FAT3: variants seen among roughly 807,000 people sequenced by gnomAD.
The protein encoded by FAT3 is FAT atypical cadherin 3.
A neutral mutation model predicts 310.2 loss-of-function variants in FAT3; 95 were observed. The ratio of observed to expected loss-of-function variants is 0.31; its 90% confidence interval spans 0.26 to 0.36. The LOEUF (loss-of-function observed/expected upper bound fraction) is 0.36. Ranked by LOEUF, FAT3 falls within the 10% of genes least tolerant of loss-of-function variation. The pLI is 1.00. For missense variants in FAT3, 5,408 were observed against 5,715.6 expected (o/e 0.95, Z 1.74); for synonymous variants, 2,314 against 2,192.9 (o/e 1.06, Z -1.54).
chr11:92,819,875 A>G (rs1360851800), intron 13 of FAT3, among the ~76,000 whole-genome samples: 1 of 152,196 alleles, frequency 6.6e-6, no homozygotes, highest in Admixed American at 6.5e-5. Context: ...AGAATGTGAC[A>G]CTAAAGCCAG....
intron 2 of FAT3, among the ~76,000 whole-genome samples, chr11:92,442,193 A>G (rs1951091393): frequency 1.5e-5 from 2 of 132,812 alleles, no homozygotes; most frequent in Non-Finnish European, 3.1e-5. Context: ...GGCTCACTAC[A>G]AGCTCTGCCT....
chr11:92,729,848 A>C (rs1339208882), intron 4 of FAT3, among the ~76,000 whole-genome samples: 2 of 152,192 alleles, frequency 1.3e-5, no homozygotes, highest in African/African-American at 4.8e-5. Context: ...AAACATTTTT[A>C]AACATTCATT....
At chr11:92,301,468 G>T (rs1403347272) in intron 1 of FAT3, among the ~76,000 whole-genome samples, 1 of 152,064 alleles carries the variant, frequency 6.6e-6, no homozygotes, top group Non-Finnish European at 1.5e-5. Context: ...GGAGGGGGAT[G>T]GAACAGAATG....
intron 3 of FAT3, among the ~76,000 whole-genome samples, chr11:92,661,174 C>A (rs1010826898): frequency 3.3e-5 from 5 of 152,084 alleles, no homozygotes; most frequent in Non-Finnish European, 7.4e-5. Context: ...CAGGGGTGAG[C>A]CAGCAGAAGA....
chr11:92,374,843 GTT>G (rs35238771), intron 2 of FAT3, among the ~76,000 whole-genome samples: 1 of 118,008 alleles, frequency 8.5e-6, no homozygotes, highest in African/African-American at 5.9e-5. Context: ...TCTTACAGCA[GTT>G]TTTTTTTTTA....
chr11:92,263,621 G>C, intron 1 of FAT3, among the ~76,000 whole-genome samples: 1 of 141,978 alleles, frequency 7.0e-6, no homozygotes, highest in East Asian at 2.2e-4. Context: ...GAATATAAGT[G>C]TGTGTGTGTG....
chr11:92,430,158 T>A (rs1344480705), intron 2 of FAT3, among the ~76,000 whole-genome samples: 1 of 152,232 alleles, frequency 6.6e-6, no homozygotes, highest in Non-Finnish European at 1.5e-5. Context: ...TTTCTTCACT[T>A]GATCAATTCA....
chr11:92,542,684 G>T (rs1004106667), intron 3 of FAT3, among the ~76,000 whole-genome samples: 1 of 151,910 alleles, frequency 6.6e-6, no homozygotes, highest in African/African-American at 2.4e-5. Flanking sequence ...AATAACAAAT[G>T]CTGGCATGGA....
chr11:92,658,267 A>T (rs1362665366), intron 3 of FAT3, among the ~76,000 whole-genome samples: 1 of 152,214 alleles, frequency 6.6e-6, no homozygotes, highest in African/African-American at 2.4e-5. Flanking sequence ...AATATATTTG[A>T]GAAGTGTCCA....
At chr11:92,605,453 A>G (rs776779957) in intron 3 of FAT3, among the ~76,000 whole-genome samples, 15 of 152,200 alleles carry the variant, frequency 9.9e-5, no homozygotes, top group Non-Finnish European at 2.1e-4. Context: ...CAAGACAGAC[A>G]TGACCTCTGC....
chr11:92,512,941 TGAAACCCC>T (rs1953352109), intron 2 of FAT3, among the ~76,000 whole-genome samples: 1 of 92,428 alleles, frequency 1.1e-5, no homozygotes, highest in Non-Finnish European at 2.1e-5. Context: ...GCTAACACGG[TGAAACCCC>T]GTCTCTACTA....
intron 13 of FAT3, among the ~76,000 whole-genome samples, chr11:92,810,621 A>C (rs1014351722): frequency 2.0e-5 from 3 of 152,202 alleles, no homozygotes; most frequent in African/African-American, 4.8e-5. Context: ...CATTTTTGTC[A>C]CATATAAACT....
At chr11:92,229,051 G>A (rs896115469) in intron 1 of FAT3, among the ~76,000 whole-genome samples, 1 of 152,138 alleles carries the variant, frequency 6.6e-6, no homozygotes, top group Admixed American at 6.5e-5. Context: ...TAAAAGAAAG[G>A]GATCTGACAG....
chr11:92,393,270 A>T (rs1030429936), intron 2 of FAT3, among the ~76,000 whole-genome samples: 2 of 152,022 alleles, frequency 1.3e-5, no homozygotes, highest in African/African-American at 2.4e-5. Context: ...ACACACACTC[A>T]TGTGTGTCTC....
chr11:92,453,699 A>G (rs1220866883), intron 2 of FAT3, among the ~76,000 whole-genome samples: 1 of 152,122 alleles, frequency 6.6e-6, no homozygotes, highest in Non-Finnish European at 1.5e-5. Context: ...TTAAGACTCT[A>G]TTGTTTTTGG....
intron 2 of FAT3, among the ~76,000 whole-genome samples, chr11:92,360,951 A>C (rs1166141463): frequency 6.6e-6 from 1 of 152,232 alleles, no homozygotes; most frequent in South Asian, 2.1e-4. Context: ...TTTCCAGTCC[A>C]GCATGCCATC....
In FAT3 at chr11:92,617,460, T is replaced by C. The variant is rs573776318; in HGVS notation, c.3608-79924T>C. 6.6e-5 allele frequency among the ~76,000 whole-genome samples: 10 copies of C among 152,280 alleles called. No individual in the cohort carries two copies. The South Asian group carries it at 2.1e-3, about 32-fold the overall frequency. Reference sequence around the variant, plus strand: ...GCTTGGAGAAGTTTGTTATTACCAATCGTCTGAAGCCTTCTTCTCTCAACT... The same window carrying C: ...GCTTGGAGAAGTTTGTTATTACCAACCGTCTGAAGCCTTCTTCTCTCAACT... On this transcript the variant is annotated intron_variant, in intron 3 of 27. Coordinates refer to ENST00000525166, the MANE Select transcript of FAT3 (RefSeq NM_001367949.2).
intron 4 of FAT3, among the ~76,000 whole-genome samples, chr11:92,745,632 A>G (rs980601584): frequency 6.7e-6 from 1 of 150,356 alleles, no homozygotes; most frequent in Non-Finnish European, 1.5e-5. Context: ...GAAATACTTT[A>G]TTTCCTAAAG....
At chr11:92,333,724 C>A (rs1209330897) in intron 1 of FAT3, among the ~76,000 whole-genome samples, 1 of 149,376 alleles carries the variant, frequency 6.7e-6, no homozygotes, top group Non-Finnish European at 1.5e-5. Flanking sequence ...ATACATCTTA[C>A]CTTAAAAGTA....
Sources: allele counts gnomAD v4.1 joint callset (sites outside exome capture counted in the v4.1 genomes callset), GRCh38; gene constraint gnomAD v4.1.1; transcripts MANE v1.5; gene names NCBI Gene and HGNC (gene_info 2026-07-23, HGNC 2026-07-21).